PCDHA5: variants seen among roughly 807,000 people sequenced by gnomAD.
The protein encoded by PCDHA5 is protocadherin alpha-5.
PCDHA5 carries 43 observed loss-of-function variants against 61.6 expected under a neutral mutation model. That is an observed-to-expected ratio of 0.70 (90% CI 0.55 to 0.90). The LOEUF (loss-of-function observed/expected upper bound fraction) is 0.90. PCDHA5 is among the 40% of genes least tolerant of loss of function. The pLI is 0.00. For synonymous variants in PCDHA5, 627 were observed against 543.9 expected, an observed-to-expected ratio of 1.15 and a Z score of -2.13; for missense variants, 1,298 against 1,222.7, an observed-to-expected ratio of 1.06 and a Z score of -0.92.
chr5:140,882,735 G>C, intron 1 of PCDHA5: 1 of 1,614,216 alleles, frequency 6.2e-7, no homozygotes, highest in Non-Finnish European at 8.5e-7. Flanking sequence ...CCACTAGATG[G>C]CGCATCCGAT....
chr5:140,831,358 T>TTG (rs1379903906), intron 1 of PCDHA5: 4 of 110,904 alleles, frequency 3.6e-5, no homozygotes, highest in Non-Finnish European at 5.7e-5. Flanking sequence ...ATTCACTATT[T>TTG]TGTATGTGTG....
At chr5:140,911,051 G>C (rs566300992) in intron 1 of PCDHA5, among the ~76,000 whole-genome samples, 1 of 152,100 alleles carries the variant, frequency 6.6e-6, no homozygotes, top group East Asian at 1.9e-4. Flanking sequence ...CAGGGGTGGT[G>C]GGGGGTGGGT....
chr5:140,884,384 G>T (rs782701367), intron 1 of PCDHA5: 1 of 1,613,972 alleles, frequency 6.2e-7, no homozygotes. Flanking sequence ...TGCCATCTGC[G>T]CGGTGTCCAG....
At chr5:140,856,946 G>A (rs372611675) in intron 1 of PCDHA5, 3 of 1,593,218 alleles carry the variant, frequency 1.9e-6, no homozygotes, top group East Asian at 2.2e-5. Context: ...AAGGACGGGA[G>A]AAATAAAAGT....
intron 1 of PCDHA5, among the ~76,000 whole-genome samples, chr5:140,963,380 G>A (rs1476855902): frequency 6.6e-6 from 1 of 152,198 alleles, no homozygotes; most frequent in Non-Finnish European, 1.5e-5. Context: ...GAGCACCTCT[G>A]TGCCAAGCTC....
chr5:140,903,271 A>T (rs193242810), intron 1 of PCDHA5, among the ~76,000 whole-genome samples: 58 of 152,326 alleles, frequency 3.8e-4, no homozygotes, highest in African/African-American at 1.3e-3. Flanking sequence ...GGAGTGAGGT[A>T]GTGTCTCATT....
At chr5:140,973,586 C>T (rs1207651483) in intron 1 of PCDHA5, among the ~76,000 whole-genome samples, 2 of 152,176 alleles carry the variant, frequency 1.3e-5, no homozygotes, top group African/African-American at 4.8e-5. Context: ...GACTGCTGAG[C>T]CAGATGGAAT....
chr5:140,884,745 A>G (rs1479357916), intron 1 of PCDHA5: 20 of 1,431,734 alleles, frequency 1.4e-5, no homozygotes, highest in Non-Finnish European at 1.7e-5. Context: ...TTTCCTGCCA[A>G]TTTCAAATTA....
At chr5:140,982,414 G>A in intron 2 of PCDHA5, 61 bp from the exon 3 acceptor site, 1 of 1,609,882 alleles carries the variant, frequency 6.2e-7, no homozygotes, top group Non-Finnish European at 8.5e-7. Flanking sequence ...TCTGAGGGTG[G>A]AAGAAGAGAT....
At chr5:140,871,533 G>A in intron 1 of PCDHA5, 2 of 1,516,446 alleles carry the variant, frequency 1.3e-6, no homozygotes, top group South Asian at 1.3e-5. Context: ...GGAAGTGTAT[G>A]TGAAATTATT....
Position 141,010,117 on chromosome 5 carries a change from T to C in PCDHA5, c.*180T>C. Reference sequence around the variant, plus strand: ...TTTAACAGGTTTTGTCGTAAAAGCTTTACTAAGTCTGGTGTTAACTCTTTC... The same window carrying C: ...TTTAACAGGTTTTGTCGTAAAAGCTCTACTAAGTCTGGTGTTAACTCTTTC... On this transcript the variant is annotated 3_prime_UTR_variant, in exon 4 of 4. Transcript: ENST00000529859. 1 of 1,608,612 alleles carries C rather than the reference T, an allele frequency of 6.2e-7. No individual in the cohort carries two copies. The highest frequency in any genetic ancestry group is 8.5e-7 in the Non-Finnish European group (1 of 1,177,044).
intron 1 of PCDHA5, chr5:140,883,291 A>G: frequency 6.2e-7 from 1 of 1,614,118 alleles, no homozygotes; most frequent in Non-Finnish European, 8.5e-7. Flanking sequence ...TGGAAGTACT[A>G]GATGTAAATG....
chr5:140,885,603 T>G (rs2060651521), intron 1 of PCDHA5, among the ~76,000 whole-genome samples: 1 of 152,202 alleles, frequency 6.6e-6, no homozygotes, highest in South Asian at 2.1e-4. Context: ...ATATTAATAA[T>G]TTTAATTATA....
intron 1 of PCDHA5, chr5:140,884,353 T>C: frequency 1.2e-6 from 2 of 1,613,886 alleles, no homozygotes; most frequent in Non-Finnish European, 1.7e-6. Context: ...CGCTGGTGGA[T>C]GTCAATGTTT....
At chr5:140,901,930 C>G (rs902948893) in intron 1 of PCDHA5, among the ~76,000 whole-genome samples, 2 of 151,400 alleles carry the variant, frequency 1.3e-5, no homozygotes, top group Admixed American at 1.3e-4. Flanking sequence ...TTGGTTAATT[C>G]CTAGGTATAT....
At chr5:140,952,962 C>A (rs246032) in intron 1 of PCDHA5, among the ~76,000 whole-genome samples, 85,448 of 151,620 alleles carry the variant, frequency 0.56, 24,697 homozygotes, top group African/African-American at 0.69. Context: ...GGAAGTGATA[C>A]ACACTTTTAA....
chr5:140,981,024 A>G (rs2096915063), intron 2 of PCDHA5, among the ~76,000 whole-genome samples: 2 of 152,112 alleles, frequency 1.3e-5, no homozygotes, highest in Admixed American at 6.5e-5. Flanking sequence ...AAGGCTGTTA[A>G]TATTTGGGGA....
intron 1 of PCDHA5, among the ~76,000 whole-genome samples, chr5:140,846,373 C>CTTTTTTTTT (rs374699051): frequency 1.6e-4 from 9 of 55,150 alleles, no homozygotes; most frequent in Non-Finnish European, 2.9e-4. Context: ...TTCTTTCTTT[C>CTTTTTTTTT]TTTTTTTTTT....
Position 140,822,680 on chromosome 5 carries a change from A to C in PCDHA5, c.905A>C (p.Lys302Thr), listed in dbSNP as rs2150118519. Reference sequence around the variant, plus strand: ...ATTAATTCTAATACTGGTGAAATAAAAGTTAACGGGGAACTGGATTATGAA... The same window carrying C: ...ATTAATTCTAATACTGGTGAAATAACAGTTAACGGGGAACTGGATTATGAA... ...FIINSNTGEI[K>T]VNGELDYEDY... Residue 302 changes from lysine (K) to threonine (T), a missense_variant, in exon 1 of 4, where the codon AAA becomes ACA. Coordinates refer to ENST00000529859, the MANE Select transcript of PCDHA5 (RefSeq NM_018908.3). The C allele has an allele frequency of 1.2e-6, 2 of 1,609,870 alleles. No homozygotes were observed. The highest frequency in any genetic ancestry group is 1.7e-6 in the Non-Finnish European group (2 of 1,176,832).
Sources: allele counts gnomAD v4.1 joint callset (sites outside exome capture counted in the v4.1 genomes callset), GRCh38; gene constraint gnomAD v4.1.1; transcripts MANE v1.5; gene names NCBI Gene and HGNC (gene_info 2026-07-23, HGNC 2026-07-21).